TMEM185A: variants seen among roughly 807,000 people sequenced by gnomAD.
TMEM185A encodes the protein transmembrane protein 185A.
In TMEM185A, 9 loss-of-function variants were observed where a neutral mutation model predicts 25.0. The observed-to-expected ratio is 0.36, with a 90% CI of 0.22 to 0.63. The LOEUF is 0.63. Among genes scored for constraint, TMEM185A ranks in the 20% least tolerant of loss-of-function variants. The pLI is 0.68. For missense variants in TMEM185A, 103 were observed against 237.4 expected (o/e 0.43, Z 3.72); for synonymous variants, 45 against 93.5 (o/e 0.48, Z 2.99).
At chrX:149,607,014 C>T (rs1269647535) in intron 3 of TMEM185A, among the ~76,000 whole-genome samples, 3 of 111,265 alleles carry the variant, frequency 2.7e-5, no homozygotes, top group East Asian at 2.8e-4. Flanking sequence ...TCTCCCTCCA[C>T]GGCTCACTCC....
intron 1 of TMEM185A, among the ~76,000 whole-genome samples, chrX:149,625,169 C>T (rs1223663731): frequency 1.8e-5 from 2 of 111,834 alleles, no homozygotes. Flanking sequence ...ACATATCAGG[C>T]AAAATGATTA....
chrX:149,610,453 AAAAAAG>A (rs2090076848), intron 2 of TMEM185A, among the ~76,000 whole-genome samples: 1 of 106,315 alleles, frequency 9.4e-6, no homozygotes, highest in African/African-American at 3.4e-5. Context: ...AAAAAAAAAA[AAAAAAG>A]GTGCGGTAGT....
intron 1 of TMEM185A, among the ~76,000 whole-genome samples, chrX:149,620,060 G>A (rs1037811278): frequency 3.7e-4 from 41 of 111,309 alleles, no homozygotes; most frequent in African/African-American, 1.2e-3. Flanking sequence ...TAGTTCAACC[G>A]TTGTGGAAGT....
Position 149,597,208 on chromosome X carries a change from C to T in TMEM185A, c.*803G>A, listed in dbSNP as rs1263756320. 2 of 73,117 alleles carry T rather than the reference C, an allele frequency of 2.7e-5. No homozygotes were observed. The highest frequency in any genetic ancestry group is 6.6e-4 in the East Asian group (2 of 3,020). The allele number at this position is 73,117 out of a possible 1,213,427, so 6.0% of individuals were successfully genotyped here. ...CAGAAGTGGCAATGTCCCATGAAGG[C>T]GTGGCACCCCACGGGGGGGGGGGGA... On this transcript the variant is annotated 3_prime_UTR_variant, in exon 7 of 7. Coordinates refer to ENST00000600449, the MANE Select transcript of TMEM185A (RefSeq NM_032508.4).
At chrX:149,621,298 A>G (rs2124231403) in intron 1 of TMEM185A, among the ~76,000 whole-genome samples, 1 of 111,705 alleles carries the variant, frequency 9.0e-6, no homozygotes, top group Non-Finnish European at 1.9e-5. Context: ...AAAAAAAGAG[A>G]GTAGTGGAAC....
At chrX:149,605,436 A>ACTTTCTATGGCCTCCCTTGTCACTTT (rs782691133) in intron 3 of TMEM185A, among the ~76,000 whole-genome samples, 2 of 56,751 alleles carry the variant, frequency 3.5e-5, no homozygotes. Context: ...CTCCCATGTC[A>ACTTTCTATGGCCTCCCTTGTCACTTT]CTATGGCCTC....
Position 149,631,602 on chromosome X carries a change from GTCC to G in TMEM185A, c.-25_-23del, listed in dbSNP as rs781886578. On this transcript the variant is annotated 5_prime_UTR_variant, in exon 1 of 7. Coordinates refer to ENST00000600449, the MANE Select transcript of TMEM185A (RefSeq NM_032508.4). Reference sequence around the variant, plus strand: ...TCATGGCGGAGAACTTCACCGCGGCGTCCTCCTCCTCCTCCCCCGCACCCCGTG... The same window carrying G: ...TCATGGCGGAGAACTTCACCGCGGCGTCCTCCTCCTCCCCCGCACCCCGTG... 1.3e-4 allele frequency: 151 copies of G among 1,148,129 alleles called. No individual in the cohort carries two copies. Among genetic ancestry groups the G allele is most frequent in the East Asian group, 6.8e-4 (20 of 29,453 alleles). The allele number at this position is 1,148,129 out of a possible 1,213,427, so 94.6% of individuals were successfully genotyped here. A position where few individuals can be genotyped will look rare whatever the true frequency, so the allele number is the denominator to read the frequency against.
intron 3 of TMEM185A, among the ~76,000 whole-genome samples, chrX:149,607,492 GAGTT>G (rs1340956226): frequency 1.8e-5 from 2 of 112,873 alleles, no homozygotes; most frequent in East Asian, 2.8e-4. Context: ...CTACCTCACA[GAGTT>G]AGTTAGTAAG....
chrX:149,609,395 T>C (rs2090069816), intron 2 of TMEM185A, among the ~76,000 whole-genome samples: 1 of 112,973 alleles, frequency 8.9e-6, no homozygotes, highest in South Asian at 3.6e-4. Context: ...AACGTATAAA[T>C]GATTTTCATT....
At chrX:149,617,702 T>G (rs1409286893) in intron 1 of TMEM185A, among the ~76,000 whole-genome samples, 1 of 111,962 alleles carries the variant, frequency 8.9e-6, no homozygotes, top group East Asian at 2.8e-4. Context: ...AAGGAAAACG[T>G]ATGTCCACAC....
intron 1 of TMEM185A, among the ~76,000 whole-genome samples, chrX:149,619,463 A>C (rs2090127945): frequency 9.1e-6 from 1 of 109,845 alleles, no homozygotes; most frequent in Non-Finnish European, 1.9e-5. Flanking sequence ...TGTGTGATAG[A>C]AGCATCTTTT....
intron 2 of TMEM185A, among the ~76,000 whole-genome samples, chrX:149,609,947 T>G (rs1392735268): frequency 1.8e-5 from 2 of 111,350 alleles, no homozygotes; most frequent in African/African-American, 6.6e-5. Flanking sequence ...CATAAAAAAA[T>G]AAAACACATA....
intron 1 of TMEM185A, among the ~76,000 whole-genome samples, chrX:149,623,749 T>A (rs904117462): frequency 9.0e-6 from 1 of 111,577 alleles, no homozygotes; most frequent in East Asian, 2.8e-4. Flanking sequence ...TGATCAGTAA[T>A]CCCAACAGCT....
intron 1 of TMEM185A, among the ~76,000 whole-genome samples, chrX:149,626,087 A>G (rs781984851): frequency 2.2e-4 from 25 of 112,553 alleles, no homozygotes; most frequent in Non-Finnish European, 4.3e-4. Context: ...ACAAGCTGTC[A>G]AGACTTTAAA....
At chrX:149,631,206 A>G (rs1372407888) in intron 1 of TMEM185A, among the ~76,000 whole-genome samples, 1 of 109,069 alleles carries the variant, frequency 9.2e-6, no homozygotes, top group Admixed American at 9.6e-5. Flanking sequence ...AGCGGCGCAG[A>G]AGAGGATGGA....
At chrX:149,626,769 C>T (rs964732937) in intron 1 of TMEM185A, among the ~76,000 whole-genome samples, 5 of 111,834 alleles carry the variant, frequency 4.5e-5, no homozygotes, top group Middle Eastern at 4.2e-3. Context: ...AGCAGGGAAA[C>T]GTGAGCAAAG....
chrX:149,621,433 T>C (rs1353432727), intron 1 of TMEM185A, among the ~76,000 whole-genome samples: 6 of 112,018 alleles, frequency 5.4e-5, no homozygotes, highest in African/African-American at 1.6e-4. Flanking sequence ...GAAAACAAGA[T>C]AAACTTACAA....
chrX:149,611,998 C>G (rs1557354563), intron 1 of TMEM185A, among the ~76,000 whole-genome samples: 1 of 112,474 alleles, frequency 8.9e-6, no homozygotes. Flanking sequence ...ATGGCATGAA[C>G]ATTTTAGTGT....
chrX:149,620,331 C>T (rs960075135), intron 1 of TMEM185A, among the ~76,000 whole-genome samples: 7 of 112,270 alleles, frequency 6.2e-5, no homozygotes, highest in Admixed American at 1.9e-4. Flanking sequence ...CAGGCACACA[C>T]GTTTTTCCTT....
Sources: allele counts gnomAD v4.1 joint callset (sites outside exome capture counted in the v4.1 genomes callset), GRCh38; gene constraint gnomAD v4.1.1; transcripts MANE v1.5; gene names NCBI Gene and HGNC (gene_info 2026-07-23, HGNC 2026-07-21).